The following TCF25 variants were observed in gnomAD, a reference collection of about 807,000 sequenced individuals.
The protein encoded by TCF25 is ribosome quality control complex subunit TCF25.
In TCF25, 41 loss-of-function variants were observed where a neutral mutation model predicts 83.1. That is an observed-to-expected ratio of 0.49 (90% confidence interval 0.38 to 0.64). TCF25 has a LOEUF of 0.64. Ranked by LOEUF, TCF25 falls within the 30% of genes least tolerant of loss-of-function variation. The pLI is 0.00. For synonymous variants in TCF25, 458 were observed against 365.0 expected (o/e 1.25, Z -2.90); for missense variants, 979 against 914.5 (o/e 1.07, Z -0.91).
At chr16:89,887,414 C>A (rs934919261) in intron 4 of TCF25, among the ~76,000 whole-genome samples, 1 of 152,210 alleles carries the variant, frequency 6.6e-6, no homozygotes, top group Non-Finnish European at 1.5e-5. Flanking sequence ...CACAGTGCCT[C>A]TTGACACAGC....
At chr16:89,906,582 C>T (rs1422381949) in intron 15 of TCF25, among the ~76,000 whole-genome samples, 1 of 152,180 alleles carries the variant, frequency 6.6e-6, no homozygotes, top group African/African-American at 2.4e-5. Flanking sequence ...CTGGGGGATT[C>T]TCTGTAGTCG....
intron 8 of TCF25, 46 bp downstream of exon 8, chr16:89,895,183 T>C (rs753169909): frequency 1.3e-6 from 2 of 1,547,320 alleles, no homozygotes; most frequent in Admixed American, 3.5e-5. Context: ...TGGGAGCACC[T>C]CAAGCTATCA....
chr16:89,906,359 A>C, intron 15 of TCF25, 75 bp downstream of exon 15: 1 of 1,471,562 alleles, frequency 6.8e-7, no homozygotes, highest in Non-Finnish European at 9.4e-7. Context: ...CGGGCGGTCC[A>C]CATGCAGGCG....
At chr16:89,884,679 T>C in intron 3 of TCF25, 23 bp downstream of exon 3, 1 of 1,607,412 alleles carries the variant, frequency 6.2e-7, no homozygotes, top group Admixed American at 1.7e-5. Flanking sequence ...GGCCTGGCTG[T>C]GCTCTGTCCC....
intron 1 of TCF25, chr16:89,878,563 G>GAC: frequency 8.4e-7 from 1 of 1,187,262 alleles, no homozygotes; most frequent in Non-Finnish European, 1.1e-6. Context: ...ATCAGTCGTG[G>GAC]ACAAGAACCT....
chr16:89,896,754 C>A (rs905216625), intron 9 of TCF25, among the ~76,000 whole-genome samples: 2 of 152,022 alleles, frequency 1.3e-5, no homozygotes, highest in Admixed American at 1.3e-4. Flanking sequence ...CGAGGTTTCA[C>A]TGTGTTGGCC....
intron 1 of TCF25, among the ~76,000 whole-genome samples, chr16:89,877,379 AT>A (rs1030311102): frequency 6.6e-6 from 1 of 151,728 alleles, no homozygotes; most frequent in Non-Finnish European, 1.5e-5. Context: ...AATTTTTTCA[AT>A]TTTTTTTGAA....
intron 16 of TCF25, among the ~76,000 whole-genome samples, chr16:89,908,075 C>A (rs2144315159): frequency 9.0e-6 from 1 of 111,658 alleles, no homozygotes; most frequent in South Asian, 3.6e-4. Context: ...ACCTTACAGC[C>A]CCTGTCTCCT....
At chr16:89,893,952 C>CA in intron 7 of TCF25, 94 bp downstream of exon 7, 3 of 1,500,004 alleles carry the variant, frequency 2.0e-6, no homozygotes, top group Non-Finnish European at 2.7e-6. Context: ...GGGAGGCATG[C>CA]TGCCTCCTGC....
chr16:89,874,266 G>C (rs993091737), intron 1 of TCF25, among the ~76,000 whole-genome samples: 1 of 151,922 alleles, frequency 6.6e-6, no homozygotes, highest in Non-Finnish European at 1.5e-5. Context: ...ATGGGCCTGC[G>C]GCCACGTGGC....
chr16:89,875,519 T>G (rs1402121962), intron 1 of TCF25, among the ~76,000 whole-genome samples: 8 of 130,020 alleles, frequency 6.2e-5, no homozygotes, highest in African/African-American at 2.4e-4. Context: ...GTGAGTTTTT[T>G]TTTTTTTTTT....
chr16:89,875,504 C>G (rs886979594), intron 1 of TCF25, among the ~76,000 whole-genome samples: 1 of 147,654 alleles, frequency 6.8e-6, no homozygotes, highest in Non-Finnish European at 1.5e-5. Flanking sequence ...TAGATATTCC[C>G]TGACGTGAGT....
chr16:89,887,989 G>A (rs1434174465), intron 5 of TCF25, among the ~76,000 whole-genome samples: 1 of 152,196 alleles, frequency 6.6e-6, no homozygotes, highest in Non-Finnish European at 1.5e-5. Flanking sequence ...AAGCCATGCC[G>A]AGTGCAGTGC....
At chr16:89,882,350 T>C (rs1567698245) in intron 1 of TCF25, among the ~76,000 whole-genome samples, 1 of 150,706 alleles carries the variant, frequency 6.6e-6, no homozygotes, top group Admixed American at 6.6e-5. Context: ...GCCTGGGCAA[T>C]GTGTTGAGAC....
intron 1 of TCF25, chr16:89,878,605 C>G (rs1407744510): frequency 7.9e-6 from 9 of 1,143,930 alleles, no homozygotes; most frequent in Non-Finnish European, 9.8e-6. Context: ...GACCCTAAAA[C>G]TAATGAAAAT....
intron 1 of TCF25, among the ~76,000 whole-genome samples, chr16:89,882,840 A>C (rs896092089): frequency 2.0e-5 from 3 of 151,916 alleles, no homozygotes; most frequent in African/African-American, 7.3e-5. Context: ...GCCTGCATCA[A>C]CCTCCCAAAG....
In TCF25 at chr16:89,885,926, C is replaced by T. The variant is rs776714794; in HGVS notation, c.508C>T (p.Pro170Ser). 9.9e-6 allele frequency: 16 copies of T among 1,613,544 alleles called. No homozygotes were observed. Residue 170 changes from proline (P) to serine (S), a missense_variant, in exon 4 of 18, where the codon CCC (proline) becomes TCC (serine). Pro to Ser is a moderately conservative substitution (Grantham distance 74). Transcript: ENST00000263346. ...STGLNRPGPA[P>S]LSSRKHVLYV... Reference sequence around the variant, plus strand: ...TGGGTTGAACCGTCCCGGCCCAGCTCCCCTGAGCTCCAGGAAGCACGTTCT... The same window carrying T: ...TGGGTTGAACCGTCCCGGCCCAGCTTCCCTGAGCTCCAGGAAGCACGTTCT...
intron 6 of TCF25, among the ~76,000 whole-genome samples, chr16:89,893,168 A>G (rs1597328006): frequency 6.6e-6 from 1 of 152,226 alleles, no homozygotes. Flanking sequence ...GACCTAGTCC[A>G]TGGAGGTCCT....
Position 89,873,773 on chromosome 16 carries a change from G to A in TCF25, c.106G>A (p.Glu36Lys). ...TCTCCGTGATGACGATGACGCGGAAGAAGAAGGGCCCAAGCGGGAGCTTGG... is the reference window on the plus strand; with the variant it reads ...TCTCCGTGATGACGATGACGCGGAAAAAGAAGGGCCCAAGCGGGAGCTTGG... ...FDLRDDDDAE[E>K]EGPKRELGVR... Residue 36 changes from glutamate (E) to lysine (K), a missense_variant, in exon 1 of 18, where the codon GAA becomes AAA. Glu to Lys is a moderately conservative substitution (Grantham distance 56). Coordinates refer to ENST00000263346, the MANE Select transcript of TCF25 (RefSeq NM_014972.3). The A allele has an allele frequency of 6.2e-7, 1 of 1,610,770 alleles. No individual in the cohort carries two copies. The highest frequency in any genetic ancestry group is 8.5e-7 in the Non-Finnish European group (1 of 1,179,142).
Sources: allele counts gnomAD v4.1 joint callset (sites outside exome capture counted in the v4.1 genomes callset), GRCh38; gene constraint gnomAD v4.1.1; transcripts MANE v1.5; gene names NCBI Gene and HGNC (gene_info 2026-07-23, HGNC 2026-07-21).